Variants in KATNIP observed in about 807,000 individuals in gnomAD.
KATNIP encodes katanin interacting protein.
In KATNIP, 126 loss-of-function variants were observed where a neutral mutation model predicts 174.0. The observed-to-expected ratio is 0.72, with a 90% CI of 0.63 to 0.84. The LOEUF (loss-of-function observed/expected upper bound fraction) is 0.84, where lower values mean the gene tolerates loss of function less well. Among genes scored for constraint, KATNIP ranks in the 40% least tolerant of loss-of-function variants. KATNIP has a pLI of 0.00. For synonymous variants in KATNIP, 810 were observed against 835.7 expected (o/e 0.97, Z 0.53); for missense variants, 1,958 against 2,109.7 (o/e 0.93, Z 1.41).
intron 2 of KATNIP, among the ~76,000 whole-genome samples, chr16:27,600,164 G>A (rs1224502150): frequency 6.6e-6 from 1 of 152,186 alleles, no homozygotes; most frequent in Non-Finnish European, 1.5e-5. Flanking sequence ...ATTAGGAGGT[G>A]TTTAGTAAAT....
intron 2 of KATNIP, among the ~76,000 whole-genome samples, chr16:27,597,755 C>G (rs947964728): frequency 2.0e-5 from 3 of 152,108 alleles, no homozygotes; most frequent in African/African-American, 7.2e-5. Flanking sequence ...GTGGATACTG[C>G]CACATTGCTT....
At chr16:27,759,412 G>T (rs2081867904) in intron 18 of KATNIP, among the ~76,000 whole-genome samples, 1 of 152,184 alleles carries the variant, frequency 6.6e-6, no homozygotes, top group Non-Finnish European at 1.5e-5. Context: ...GAGAAGGAAT[G>T]TGTCAGCTAG....
At chr16:27,765,629 C>G (rs1047433851) in intron 19 of KATNIP, among the ~76,000 whole-genome samples, 1 of 152,212 alleles carries the variant, frequency 6.6e-6, no homozygotes, top group African/African-American at 2.4e-5. Context: ...CACTTCTTTC[C>G]AACTATGCTG....
intron 8 of KATNIP, among the ~76,000 whole-genome samples, chr16:27,689,733 A>G (rs2142893120): frequency 6.6e-6 from 1 of 152,308 alleles, no homozygotes; most frequent in African/African-American, 2.4e-5. Flanking sequence ...TAAAACAGCA[A>G]CCGTTTTATG....
intron 7 of KATNIP, among the ~76,000 whole-genome samples, chr16:27,680,039 G>C (rs755579075): frequency 1.3e-5 from 2 of 151,980 alleles, no homozygotes; most frequent in East Asian, 1.9e-4. Context: ...ATCCACTTGG[G>C]CCAGCCCTCC....
chr16:27,569,192 A>C (rs2090195713), intron 1 of KATNIP, among the ~76,000 whole-genome samples: 1 of 152,110 alleles, frequency 6.6e-6, no homozygotes, highest in African/African-American at 2.4e-5. Flanking sequence ...TTTGGCACTG[A>C]TTTTCCCTTT....
At chr16:27,655,611 G>A (rs918543799) in intron 6 of KATNIP, among the ~76,000 whole-genome samples, 3 of 151,970 alleles carry the variant, frequency 2.0e-5, no homozygotes, top group African/African-American at 7.3e-5. Context: ...AATAATAAGA[G>A]CTCACGTTAA....
chr16:27,574,558 C>CTTT (rs10708223), intron 2 of KATNIP, among the ~76,000 whole-genome samples: 93 of 53,474 alleles, frequency 1.7e-3, no homozygotes, highest in Admixed American at 2.2e-3. Flanking sequence ...ACTTTCTATT[C>CTTT]TTTTTTTTTT....
rs957517525 is a variant in KATNIP, at chr16:27,721,551, C to T, written c.1606-7C>T. ...CTAATGATTTCCTTCTCTTGCTGGCCTTCTAGGGCAAGAAAGACTCCTCCC... is the reference window on the plus strand; with the variant it reads ...CTAATGATTTCCTTCTCTTGCTGGCTTTCTAGGGCAAGAAAGACTCCTCCC... On this transcript the variant is annotated splice_region_variant and splice_polypyrimidine_tract_variant and intron_variant, in intron 13 of 27. Coordinates refer to ENST00000261588, the MANE Select transcript of KATNIP (RefSeq NM_015202.5). 2 of 1,613,970 alleles carry T rather than the reference C, an allele frequency of 1.2e-6. No individual in the cohort carries two copies. Among genetic ancestry groups the T allele is most frequent in the African/African-American group, 1.3e-5 (1 of 74,908 alleles).
intron 1 of KATNIP, among the ~76,000 whole-genome samples, chr16:27,561,011 T>TTTTTTTTTC (rs2089858992): frequency 6.6e-6 from 1 of 150,768 alleles, no homozygotes; most frequent in African/African-American, 2.4e-5. Flanking sequence ...CTTTTTGTCT[T>TTTTTTTTTC]TTTTTTTTCT....
At chr16:27,645,255 C>T (rs2076924735) in intron 5 of KATNIP, among the ~76,000 whole-genome samples, 1 of 152,190 alleles carries the variant, frequency 6.6e-6, no homozygotes, top group South Asian at 2.1e-4. Context: ...AAGCCCCAGC[C>T]GAGGGCTCAC....
chr16:27,730,563 C>A (rs564506177), intron 14 of KATNIP, among the ~76,000 whole-genome samples: 27 of 152,322 alleles, frequency 1.8e-4, no homozygotes, highest in African/African-American at 6.5e-4. Context: ...AAACTCTTCT[C>A]TCCTCTCTGC....
chr16:27,561,564 C>T (rs1388352531), intron 1 of KATNIP, among the ~76,000 whole-genome samples: 1 of 152,174 alleles, frequency 6.6e-6, no homozygotes, highest in Admixed American at 6.5e-5. Flanking sequence ...TTTAACATGT[C>T]CTTTGGGGAG....
chr16:27,640,927 G>C (rs1282557665), intron 5 of KATNIP, among the ~76,000 whole-genome samples: 1 of 152,122 alleles, frequency 6.6e-6, no homozygotes, highest in Non-Finnish European at 1.5e-5. Flanking sequence ...CCTGAGGTCA[G>C]GAGTTCGATA....
In KATNIP at chr16:27,713,386, C is replaced by G. The variant is rs184188593; in HGVS notation, c.1605+4466C>G. On this transcript the variant is annotated intron_variant, in intron 13 of 27. Transcript: ENST00000261588. ...GACTGTGTCCCCACCCAAATCTCAT[C>G]TTGAATTGTAAAAATATCCACATGT... 2.0e-5 allele frequency among the ~76,000 whole-genome samples: 3 copies of G among 152,070 alleles called. No homozygotes were observed. The East Asian group carries it at 5.8e-4, about 30-fold the overall frequency.
At chr16:27,711,093 G>GT (rs1379514933) in intron 13 of KATNIP, among the ~76,000 whole-genome samples, 1 of 152,160 alleles carries the variant, frequency 6.6e-6, no homozygotes, top group Non-Finnish European at 1.5e-5. Flanking sequence ...AAGTAAATGT[G>GT]TTTCAAGTCT....
intron 6 of KATNIP, among the ~76,000 whole-genome samples, chr16:27,649,192 A>C (rs2077050656): frequency 2.6e-5 from 4 of 152,364 alleles, no homozygotes; most frequent in Admixed American, 2.6e-4. Context: ...GCACCTGATA[A>C]ATATTTCGAA....
intron 13 of KATNIP, among the ~76,000 whole-genome samples, chr16:27,713,838 A>C (rs1250119915): frequency 3.9e-5 from 3 of 76,120 alleles, no homozygotes; most frequent in African/African-American, 1.2e-4. Context: ...ATATATATAT[A>C]TATATATATA....
intron 6 of KATNIP, among the ~76,000 whole-genome samples, chr16:27,655,026 A>G (rs952197863): frequency 6.6e-6 from 1 of 151,316 alleles, no homozygotes; most frequent in Non-Finnish European, 1.5e-5. Context: ...GTACTTGAGA[A>G]ACTGAGGCCG....
Sources: gnomAD v4.1 joint callset for allele counts (sites outside exome capture counted in the v4.1 genomes callset) on GRCh38, gnomAD v4.1.1 for gene constraint, MANE v1.5 for transcripts, NCBI Gene and HGNC (gene_info 2026-07-23, HGNC 2026-07-21) for gene names.